The following PLEKHA8 variants were observed in gnomAD, a reference collection of about 807,000 sequenced individuals.
The protein encoded by PLEKHA8 is pleckstrin homology domain-containing family A member 8.
Under a neutral mutation model 68.2 loss-of-function variants are expected in PLEKHA8, and 36 were observed. That is an observed-to-expected ratio of 0.53 (90% CI 0.40 to 0.70). The LOEUF (loss-of-function observed/expected upper bound fraction) is 0.70, where lower values mean the gene tolerates loss of function less well. PLEKHA8 is among the 30% of genes least tolerant of loss of function. The pLI is 0.00. For synonymous variants in PLEKHA8, 211 were observed against 216.1 expected, an observed-to-expected ratio of 0.98 and a Z score of 0.20; for missense variants, 505 against 615.4, an observed-to-expected ratio of 0.82 and a Z score of 1.90.
intron 10 of PLEKHA8, 23 bp from the exon 11 acceptor site, chr7:30,061,874 T>TAACC: frequency 1.2e-6 from 2 of 1,612,826 alleles, no homozygotes; most frequent in East Asian, 4.5e-5. Context: ...TAAACTTAGG[T>TAACC]TGTTTCCCTG....
intron 13 of PLEKHA8, among the ~76,000 whole-genome samples, chr7:30,124,340 A>G (rs564755737): frequency 2.6e-5 from 4 of 152,338 alleles, no homozygotes; most frequent in African/African-American, 9.6e-5. Flanking sequence ...GTGAACATAA[A>G]TAATATCTTA....
intron 13 of PLEKHA8, among the ~76,000 whole-genome samples, chr7:30,113,739 T>A (rs1015013340): frequency 6.6e-6 from 1 of 152,184 alleles, no homozygotes; most frequent in African/African-American, 2.4e-5. Flanking sequence ...AACCTCCTTT[T>A]AACATTTTCC....
chr7:30,064,754 T>A (rs1346147821), intron 12 of PLEKHA8, among the ~76,000 whole-genome samples: 1 of 152,110 alleles, frequency 6.6e-6, no homozygotes, highest in East Asian at 1.9e-4. Context: ...CAAACTAACT[T>A]ATTAGTATGG....
intron 6 of PLEKHA8, among the ~76,000 whole-genome samples, chr7:30,052,408 G>A (rs1792485510): frequency 6.6e-6 from 1 of 152,124 alleles, no homozygotes; most frequent in African/African-American, 2.4e-5. Context: ...ACGCTGAGGT[G>A]GGAGGATTGC....
At chr7:30,058,455 G>T (rs535472595) in intron 9 of PLEKHA8, among the ~76,000 whole-genome samples, 2 of 148,344 alleles carry the variant, frequency 1.3e-5, no homozygotes, top group African/African-American at 4.9e-5. Context: ...GTGGTGTGAG[G>T]TAGGGAGTTG....
intron 13 of PLEKHA8, among the ~76,000 whole-genome samples, chr7:30,126,457 G>A (rs1796773877): frequency 1.3e-5 from 2 of 152,180 alleles, no homozygotes; most frequent in Non-Finnish European, 2.9e-5. Context: ...ATGAACTGAT[G>A]AGGGAAATTT....
At chr7:30,071,193 TATATTTTTCAAAA>T (rs1282402995) in intron 12 of PLEKHA8, among the ~76,000 whole-genome samples, 1 of 152,204 alleles carries the variant, frequency 6.6e-6, no homozygotes, top group Non-Finnish European at 1.5e-5. Context: ...CGATAAATGT[TATATTTTTCAAAA>T]CTTCCACTGT....
intron 13 of PLEKHA8, among the ~76,000 whole-genome samples, chr7:30,107,673 G>A (rs900411410): frequency 6.6e-6 from 1 of 152,074 alleles, no homozygotes; most frequent in Non-Finnish European, 1.5e-5. Context: ...TACAATTTTT[G>A]CTATAGGTTC....
At position 30,046,833 on chromosome 7, in the gene PLEKHA8, C is replaced by T. The variant is rs1293206733; in HGVS notation, c.313+468C>T. ...GTGTTTTCTGTAGCAACACCCTGCT[C>T]CTCCTCCCTTTTTTTCTGGGGTGGG... is the stretch of plus-strand genomic sequence containing the variant. On this transcript the variant is annotated intron_variant, in intron 3 of 13. Transcript: ENST00000449726. Among the ~76,000 whole-genome samples the T allele has an allele frequency of 3.9e-5, 6 of 152,134 alleles. No individual in the cohort carries two copies. The East Asian group carries it at 1.2e-3, about 29-fold the overall frequency.
intron 1 of PLEKHA8, among the ~76,000 whole-genome samples, chr7:30,030,273 A>G (rs1317793997): frequency 6.6e-6 from 1 of 151,336 alleles, no homozygotes; most frequent in African/African-American, 2.4e-5. Flanking sequence ...ATTCTTCCCC[A>G]TCCCCAACTT....
chr7:30,069,999 T>C (rs1248185307), intron 12 of PLEKHA8, among the ~76,000 whole-genome samples: 1 of 152,188 alleles, frequency 6.6e-6, no homozygotes, highest in African/African-American at 2.4e-5. Context: ...TGAAGATTAA[T>C]GTATTTCATT....
At chr7:30,039,553 T>C (rs945261778) in intron 1 of PLEKHA8, among the ~76,000 whole-genome samples, 6 of 152,214 alleles carry the variant, frequency 3.9e-5, no homozygotes, top group African/African-American at 1.4e-4. Flanking sequence ...GATTTATTCT[T>C]AAGTAGTTTA....
At chr7:30,089,535 A>C (rs145444200), downstream of PLEKHA8, among the ~76,000 whole-genome samples, 2 of 152,244 alleles carry the variant, frequency 1.3e-5, no homozygotes, top group African/African-American at 4.8e-5. Context: ...AAGATGGGAA[A>C]TATGTCAAGG....
chr7:30,097,821 C>T (rs1009439345), intron 13 of PLEKHA8, among the ~76,000 whole-genome samples: 2 of 152,208 alleles, frequency 1.3e-5, no homozygotes, highest in Non-Finnish European at 2.9e-5. Flanking sequence ...ATTCTTCTCT[C>T]AACTCGTCAA....
chr7:30,091,259 CTTTT>C (rs572121473), downstream of PLEKHA8, among the ~76,000 whole-genome samples: 2 of 144,290 alleles, frequency 1.4e-5, no homozygotes, highest in Non-Finnish European at 3.1e-5. Context: ...TTGTTTTACT[CTTTT>C]TTTTTTTTGT....
chr7:30,046,437 G>T (rs1462810916), intron 3 of PLEKHA8, 72 bp downstream of exon 3: 1 of 1,482,732 alleles, frequency 6.7e-7, no homozygotes, highest in African/African-American at 1.4e-5. Context: ...TCCCTTATTT[G>T]TTATCTTGCT....
chr7:30,119,336 G>A lies in PLEKHA8; in HGVS notation c.1363-9930G>A, dbSNP rs1047982585. ...CATTTTAATTTCCTCCTTTTTAGAT[G>A]AGAAAATTGATGCATGCGGAGGTTA... On this transcript the variant is annotated intron_variant, in intron 13 of 13. Coordinates refer to the PLEKHA8 transcript ENST00000396257. Among the ~76,000 whole-genome samples, 4 of 152,272 alleles carry A rather than the reference G, an allele frequency of 2.6e-5. No individual in the cohort carries two copies. In the South Asian group the frequency reaches 8.3e-4, roughly 32 times the overall value.
intron 1 of PLEKHA8, among the ~76,000 whole-genome samples, chr7:30,035,586 T>C (rs1264537300): frequency 6.6e-6 from 1 of 152,148 alleles, no homozygotes; most frequent in African/African-American, 2.4e-5. Context: ...TTTTAAAAGT[T>C]AATTGTTCTT....
chr7:30,092,848 G>T (rs1043382042), downstream of PLEKHA8, among the ~76,000 whole-genome samples: 1 of 152,200 alleles, frequency 6.6e-6, no homozygotes, highest in Non-Finnish European at 1.5e-5. Flanking sequence ...GAGATCGAGA[G>T]AAAGTGAGGA....
Sources: allele counts gnomAD v4.1 joint callset (sites outside exome capture counted in the v4.1 genomes callset), GRCh38; gene constraint gnomAD v4.1.1; transcripts MANE v1.5; gene names NCBI Gene and HGNC (gene_info 2026-07-23, HGNC 2026-07-21).